Variants in KCNIP4 observed in about 807,000 individuals in gnomAD.
The protein encoded by KCNIP4 is Kv channel-interacting protein 4.
Under a neutral mutation model 34.0 loss-of-function variants are expected in KCNIP4, and 12 were observed. The ratio of observed to expected loss-of-function variants is 0.35; its 90% CI spans 0.23 to 0.57. The LOEUF is 0.57. KCNIP4 is among the 20% of genes least tolerant of loss of function. The pLI, the probability that KCNIP4 is intolerant of heterozygous loss-of-function variation, is 0.83. For missense variants in KCNIP4, 238 were observed against 311.7 expected, an observed-to-expected ratio of 0.76 and a Z score of 1.78; for synonymous variants, 124 against 102.2, an observed-to-expected ratio of 1.21 and a Z score of -1.29.
intron 7 of KCNIP4, 68 bp downstream of exon 7, chr4:20,732,613 G>T: frequency 1.1e-6 from 1 of 928,022 alleles, no homozygotes; most frequent in Non-Finnish European, 1.8e-6. Flanking sequence ...AATCATCGTG[G>T]TGCATGGCAA....
At chr4:21,775,190 T>C (rs886732118) in intron 1 of KCNIP4, among the ~76,000 whole-genome samples, 1 of 152,188 alleles carries the variant, frequency 6.6e-6, no homozygotes, top group Non-Finnish European at 1.5e-5. Flanking sequence ...TCTGCTTTTT[T>C]GTTCTTCTTT....
chr4:20,839,343 CAT>C (rs1719443578), intron 3 of KCNIP4, among the ~76,000 whole-genome samples: 2 of 151,688 alleles, frequency 1.3e-5, no homozygotes, highest in South Asian at 2.1e-4. Flanking sequence ...TATAGATATA[CAT>C]AGTTTTCAAA....
chr4:21,175,567 T>C (rs917598380), intron 1 of KCNIP4, among the ~76,000 whole-genome samples: 3 of 152,216 alleles, frequency 2.0e-5, no homozygotes, highest in Non-Finnish European at 4.4e-5. Flanking sequence ...TGGCTTCTCA[T>C]TGGAATATTC....
intron 1 of KCNIP4, among the ~76,000 whole-genome samples, chr4:21,032,560 C>T: frequency 6.6e-6 from 1 of 152,074 alleles, no homozygotes. Flanking sequence ...TCATAGAAAA[C>T]TTCCTGAACC....
At chr4:21,668,355 GA>G (rs368285844) in intron 1 of KCNIP4, among the ~76,000 whole-genome samples, 2,518 of 150,340 alleles carry the variant, frequency 0.017, 69 homozygotes, top group African/African-American at 0.058. Context: ...TTTTTTAGAA[GA>G]AAAAAAAACT....
At chr4:21,071,967 T>A (rs970603556) in intron 1 of KCNIP4, among the ~76,000 whole-genome samples, 1 of 148,856 alleles carries the variant, frequency 6.7e-6, no homozygotes, top group African/African-American at 2.4e-5. Flanking sequence ...ACAAAGGACA[T>A]GAACTCATCC....
At chr4:21,187,067 A>G (rs572015995) in intron 1 of KCNIP4, among the ~76,000 whole-genome samples, 1 of 152,286 alleles carries the variant, frequency 6.6e-6, no homozygotes, top group Non-Finnish European at 1.5e-5. Context: ...GGCAATGTGG[A>G]TATTTTCTCA....
chr4:21,311,240 T>C (rs1578061496), intron 1 of KCNIP4, among the ~76,000 whole-genome samples: 1 of 152,308 alleles, frequency 6.6e-6, no homozygotes, highest in South Asian at 2.1e-4. Context: ...GTACTATTAT[T>C]ATTCCTAGCC....
At chr4:21,205,019 G>C (rs1272584408) in intron 1 of KCNIP4, among the ~76,000 whole-genome samples, 1 of 152,136 alleles carries the variant, frequency 6.6e-6, no homozygotes, top group Non-Finnish European at 1.5e-5. Flanking sequence ...AGAAAAGAAG[G>C]AATATATTTG....
At chr4:21,311,789 T>C (rs1168367715) in intron 1 of KCNIP4, among the ~76,000 whole-genome samples, 9 of 152,216 alleles carry the variant, frequency 5.9e-5, no homozygotes, top group African/African-American at 2.2e-4. Flanking sequence ...TTTCACAAGA[T>C]GAACAGATGC....
intron 1 of KCNIP4, among the ~76,000 whole-genome samples, chr4:21,449,073 C>T (rs1056464489): frequency 6.6e-6 from 1 of 152,150 alleles, no homozygotes; most frequent in East Asian, 1.9e-4. Context: ...GTGTGGCAGG[C>T]CTAGCAGTCA....
At chr4:20,982,831 C>A (rs1236047550) in intron 1 of KCNIP4, among the ~76,000 whole-genome samples, 1 of 152,118 alleles carries the variant, frequency 6.6e-6, no homozygotes, top group East Asian at 1.9e-4. Flanking sequence ...ATTTCCATCT[C>A]CCCACATTAA....
rs988665544 is a variant in KCNIP4, at chr4:20,905,310, A to G, written c.62-22601T>C. Among the ~76,000 whole-genome samples the G allele has an allele frequency of 8.6e-5, 13 of 152,030 alleles. 1 individual carries two copies. The highest frequency in any genetic ancestry group is 1.6e-4 in the Non-Finnish European group (11 of 67,988). ...CTCCCTGGTGTCTTTTTCTCTTTTT[A>G]TAAGGAAACCAGCCATACTGAATTA... On this transcript the variant is annotated intron_variant, in intron 1 of 8. Transcript: ENST00000382152.
chr4:21,407,370 A>G (rs1724082819), intron 1 of KCNIP4, among the ~76,000 whole-genome samples: 1 of 152,002 alleles, frequency 6.6e-6, no homozygotes, highest in Admixed American at 6.6e-5. Flanking sequence ...TTTACTCATA[A>G]TTGCTGGGCA....
intron 3 of KCNIP4, among the ~76,000 whole-genome samples, chr4:20,779,582 C>G (rs955500028): frequency 2.3e-5 from 3 of 132,914 alleles, no homozygotes; most frequent in African/African-American, 8.5e-5. Context: ...CACAACCCCC[C>G]CCCCCCACAC....
intron 1 of KCNIP4, among the ~76,000 whole-genome samples, chr4:21,732,992 A>G (rs1197477012): frequency 6.6e-6 from 1 of 152,216 alleles, no homozygotes; most frequent in Non-Finnish European, 1.5e-5. Flanking sequence ...AGAGAAAATT[A>G]AACTTCCTAT....
intron 1 of KCNIP4, among the ~76,000 whole-genome samples, chr4:21,442,481 G>C (rs1007338427): frequency 1.3e-5 from 2 of 152,196 alleles, no homozygotes; most frequent in Non-Finnish European, 2.9e-5. Context: ...ACCACTGTTA[G>C]CTAGGTTGAT....
At chr4:21,112,585 A>G (rs11931641) in intron 1 of KCNIP4, among the ~76,000 whole-genome samples, 4,755 of 152,304 alleles carry the variant, frequency 0.031, 227 homozygotes, top group African/African-American at 0.11. Flanking sequence ...TAGAGTGTCA[A>G]TGCTGTGATT....
intron 1 of KCNIP4, among the ~76,000 whole-genome samples, chr4:20,954,540 C>T (rs906918191): frequency 6.6e-6 from 1 of 152,020 alleles, no homozygotes; most frequent in African/African-American, 2.4e-5. Context: ...GTAAATAAAT[C>T]GATCAAGGTA....
Sources: gnomAD v4.1 joint callset for allele counts (sites outside exome capture counted in the v4.1 genomes callset) on GRCh38, gnomAD v4.1.1 for gene constraint, MANE v1.5 for transcripts, NCBI Gene and HGNC (gene_info 2026-07-23, HGNC 2026-07-21) for gene names.